SYT17: variants seen among roughly 807,000 people sequenced by gnomAD.
SYT17 encodes the protein synaptotagmin 17.
SYT17 carries 22 observed loss-of-function variants against 46.7 expected under a neutral mutation model. The ratio of observed to expected loss-of-function variants is 0.47; its 90% CI spans 0.34 to 0.67. The LOEUF (loss-of-function observed/expected upper bound fraction) is 0.67. Among genes scored for constraint, SYT17 ranks in the 30% least tolerant of loss-of-function variants. The pLI, the probability that SYT17 is intolerant of heterozygous loss-of-function variation, is 0.01. For missense variants in SYT17, 519 were observed against 612.8 expected, an observed-to-expected ratio of 0.85 and a Z score of 1.62; for synonymous variants, 251 against 248.4, an observed-to-expected ratio of 1.01 and a Z score of -0.10.
At chr16:19,221,817 T>A (rs1470526785) in intron 5 of SYT17, among the ~76,000 whole-genome samples, 1 of 152,194 alleles carries the variant, frequency 6.6e-6, no homozygotes, top group Non-Finnish European at 1.5e-5. Context: ...AGATTATAGA[T>A]AGATGAGACA....
Position 19,252,638 on chromosome 16 carries a change from A to G in SYT17, c.1229-14242A>G, listed in dbSNP as rs530386197. ...AAATTAGAAATGAAGCATCATTCTA[A>G]AGAAATGAGGCTGATTTCTTTGGAT... On this transcript the variant is annotated intron_variant, in intron 7 of 7. Coordinates refer to ENST00000355377, the MANE Select transcript of SYT17 (RefSeq NM_016524.4). Among the ~76,000 whole-genome samples the G allele has an allele frequency of 3.2e-3, 469 of 146,976 alleles. 3 individuals are homozygous for G. Among genetic ancestry groups the G allele is most frequent in the African/African-American group, 0.011 (444 of 39,210 alleles).
chr16:19,235,080 C>G (rs8053921), intron 7 of SYT17, among the ~76,000 whole-genome samples: 2 of 152,026 alleles, frequency 1.3e-5, no homozygotes, highest in Non-Finnish European at 2.9e-5. Context: ...AGGCACTCAG[C>G]GCCAGATCAG....
chr16:19,199,336 A>C (rs1208518497), intron 5 of SYT17, among the ~76,000 whole-genome samples: 1 of 152,158 alleles, frequency 6.6e-6, no homozygotes, highest in Non-Finnish European at 1.5e-5. Context: ...ACTCACCTAA[A>C]GTTATTCACG....
chr16:19,218,098 G>A (rs1966164165), intron 5 of SYT17, among the ~76,000 whole-genome samples: 1 of 152,186 alleles, frequency 6.6e-6, no homozygotes, highest in African/African-American at 2.4e-5. Context: ...CAAGATGGAA[G>A]CCTCTGGAGT....
At chr16:19,185,546 G>C (rs1349207065) in intron 5 of SYT17, among the ~76,000 whole-genome samples, 1 of 151,996 alleles carries the variant, frequency 6.6e-6, no homozygotes, top group Non-Finnish European at 1.5e-5. Flanking sequence ...CTATGATCGA[G>C]CCACTGCACT....
intron 1 of SYT17, chr16:19,171,165 G>A (rs577286262): frequency 1.3e-5 from 2 of 152,666 alleles, no homozygotes; most frequent in African/African-American, 2.4e-5. Flanking sequence ...CTTGTTCTGT[G>A]TATGGTTTGA....
At chr16:19,211,432 T>C in intron 5 of SYT17, 1 of 703,854 alleles carries the variant, frequency 1.4e-6, no homozygotes, top group Non-Finnish European at 2.6e-6. Flanking sequence ...GGGCACTTTC[T>C]TTGCCTTTAT....
chr16:19,229,699 C>G (rs1018549896), intron 7 of SYT17, among the ~76,000 whole-genome samples: 8 of 152,180 alleles, frequency 5.3e-5, no homozygotes, highest in African/African-American at 1.9e-4. Flanking sequence ...CTAGCAATTG[C>G]ACTTGTAGGT....
chr16:19,178,122 C>T lies in SYT17; in HGVS notation c.183-2269C>T, dbSNP rs575067479. 1.1e-3 allele frequency among the ~76,000 whole-genome samples: 167 copies of T among 151,328 alleles called. 1 individual carries two copies. The highest frequency in any genetic ancestry group is 3.8e-3 in the African/African-American group (157 of 41,234). ...TTTTTGAGACGGAGTCTAGCTCTGTCGCCCAGGCTGGAGTGCAGTGGTGCA... is the reference window on the plus strand; with the variant it reads ...TTTTTGAGACGGAGTCTAGCTCTGTTGCCCAGGCTGGAGTGCAGTGGTGCA... On this transcript the variant is annotated intron_variant, in intron 3 of 7. Coordinates refer to ENST00000355377, the MANE Select transcript of SYT17 (RefSeq NM_016524.4).
rs534751762 is a variant in SYT17, at chr16:19,240,916, G to T, written c.1228+16078G>T. 1.2e-4 allele frequency among the ~76,000 whole-genome samples: 18 copies of T among 151,660 alleles called. 1 individual carries two copies. In the South Asian group the frequency reaches 3.8e-3, roughly 32 times the overall value. On this transcript the variant is annotated intron_variant, in intron 7 of 7. Transcript: ENST00000355377. ...CCCAAGCATGTGCACACCCGGCCAG[G>T]CTGCCACAGCACCTAGGCTCAGTTC... is the stretch of plus-strand genomic sequence containing the variant.
intron 2 of SYT17, 153 bp from the exon 3 acceptor site, chr16:19,173,277 T>A: frequency 1.7e-6 from 1 of 585,124 alleles, no homozygotes; most frequent in Non-Finnish European, 3.0e-6. Context: ...TTGTTCTAAG[T>A]GCTGAGCAGC....
At position 19,268,083 on chromosome 16, in the gene SYT17, C is replaced by G. The variant is rs1969483847; in HGVS notation, c.*1007C>G. 6.6e-6 allele frequency: 1 copy of G among 152,142 alleles called. No individual in the cohort carries two copies. The highest frequency in any genetic ancestry group is 1.5e-5 in the Non-Finnish European group (1 of 68,030). The allele number at this position is 152,142 out of a possible 1,614,324, so 9.4% of individuals were successfully genotyped here. On this transcript the variant is annotated 3_prime_UTR_variant, in exon 8 of 8. Transcript: ENST00000355377. ...TTGATATATGGATTAAAATGGCTAT[C>G]ACACCCCATCCATGATGATCTTCTT...
At chr16:19,205,831 C>A (rs923383586) in intron 5 of SYT17, among the ~76,000 whole-genome samples, 7 of 152,166 alleles carry the variant, frequency 4.6e-5, no homozygotes, top group South Asian at 2.1e-4. Context: ...ATCCCCGATG[C>A]CAGCTTTGTT....
At chr16:19,249,927 T>G in intron 7 of SYT17, 10 of 1,535,052 alleles carry the variant, frequency 6.5e-6, no homozygotes, top group Non-Finnish European at 8.7e-6. Context: ...CACCAAGTCC[T>G]CTTTTTGCTC....
chr16:19,198,572 C>T (rs766759524), intron 5 of SYT17, among the ~76,000 whole-genome samples: 8 of 152,178 alleles, frequency 5.3e-5, no homozygotes, highest in South Asian at 2.1e-4. Context: ...GTTAAAGAAA[C>T]TCAGGCACAG....
chr16:19,255,158 C>G (rs1044962822), intron 7 of SYT17, among the ~76,000 whole-genome samples: 1 of 152,206 alleles, frequency 6.6e-6, no homozygotes, highest in Non-Finnish European at 1.5e-5. Context: ...GCTCCTGAGT[C>G]TCCCAGCTCC....
At chr16:19,218,381 G>A (rs1294636528) in intron 5 of SYT17, among the ~76,000 whole-genome samples, 1 of 152,202 alleles carries the variant, frequency 6.6e-6, no homozygotes, top group Non-Finnish European at 1.5e-5. Context: ...GACAGAAACA[G>A]TGGCCGGATC....
intron 3 of SYT17, among the ~76,000 whole-genome samples, chr16:19,176,992 G>T (rs1964339909): frequency 6.6e-6 from 1 of 152,140 alleles, no homozygotes; most frequent in African/African-American, 2.4e-5. Flanking sequence ...TACCAGCGGA[G>T]ACCCCTCACA....
chr16:19,231,276 A>G (rs1966671977), intron 7 of SYT17, among the ~76,000 whole-genome samples: 1 of 152,140 alleles, frequency 6.6e-6, no homozygotes, highest in African/African-American at 2.4e-5. Context: ...AAAGGCACTC[A>G]AAACCCTCTG....
Sources: gnomAD v4.1 joint callset for allele counts (sites outside exome capture counted in the v4.1 genomes callset) on GRCh38, gnomAD v4.1.1 for gene constraint, MANE v1.5 for transcripts, NCBI Gene and HGNC (gene_info 2026-07-23, HGNC 2026-07-21) for gene names.